SLAMF7: variants seen among roughly 807,000 people sequenced by gnomAD.
SLAMF7 encodes 19A24 protein.
In SLAMF7, 26 loss-of-function variants were observed where a neutral mutation model predicts 34.1. That is an observed-to-expected ratio of 0.76 (90% CI 0.56 to 1.06). SLAMF7 has a LOEUF of 1.06. SLAMF7 is among the 50% of genes least tolerant of loss of function. The pLI is 0.00. For missense variants in SLAMF7, 399 were observed against 402.5 expected, an observed-to-expected ratio of 0.99 and a Z score of 0.07; for synonymous variants, 171 against 156.4, an observed-to-expected ratio of 1.09 and a Z score of -0.70.
intron 1 of SLAMF7, among the ~76,000 whole-genome samples, chr1:160,747,835 C>A (rs1207740419): frequency 2.6e-5 from 4 of 152,196 alleles, no homozygotes; most frequent in Admixed American, 1.3e-4. Context: ...GACTTACTCC[C>A]CACATCTGTT....
chr1:160,744,923 A>G (rs1162434618), intron 1 of SLAMF7, among the ~76,000 whole-genome samples: 2 of 152,224 alleles, frequency 1.3e-5, no homozygotes, highest in African/African-American at 2.4e-5. Context: ...CTAAAGATGA[A>G]CAAAGAGAGC....
intron 1 of SLAMF7, among the ~76,000 whole-genome samples, chr1:160,743,718 T>C (rs1305966144): frequency 6.6e-6 from 1 of 152,212 alleles, no homozygotes; most frequent in Non-Finnish European, 1.5e-5. Context: ...CTCCAGGGTC[T>C]CACTCTGTCA....
intron 1 of SLAMF7, 41 bp downstream of exon 1, chr1:160,739,397 C>A: frequency 1.3e-6 from 2 of 1,564,424 alleles, no homozygotes; most frequent in South Asian, 1.1e-5. Context: ...CTGTCTACCC[C>A]ATCCTGAATA....
chr1:160,749,146 A>G (rs557414446), intron 2 of SLAMF7, among the ~76,000 whole-genome samples: 4 of 152,308 alleles, frequency 2.6e-5, no homozygotes, highest in African/African-American at 9.6e-5. Context: ...TGTAGGAGGT[A>G]GGCACTGCAC....
chr1:160,751,951 A>C, intron 5 of SLAMF7: 1 of 310,562 alleles, frequency 3.2e-6, no homozygotes, highest in South Asian at 5.1e-5. Context: ...AACACAGTAC[A>C]GTTTAAAAAT....
intron 1 of SLAMF7, 104 bp from the exon 2 acceptor site, chr1:160,748,090 T>C (rs561845967): frequency 8.5e-7 from 1 of 1,175,092 alleles, no homozygotes; most frequent in Non-Finnish European, 1.2e-6. Context: ...GTTGTTGTGT[T>C]GGACTGAGTG....
At chr1:160,750,751 C>G in intron 4 of SLAMF7, 1 of 252,996 alleles carries the variant, frequency 4.0e-6, no homozygotes, top group Non-Finnish European at 7.6e-6. Context: ...CTCCCCTGAC[C>G]TGGGAGGTGA....
chr1:160,739,223 AT>A, upstream of SLAMF7: 1 of 1,291,738 alleles, frequency 7.7e-7, no homozygotes, highest in Non-Finnish European at 1.1e-6. Context: ...GCTTCTTTAA[AT>A]ATCAGCTGGG....
chr1:160,748,422 T>C lies in SLAMF7; in HGVS notation c.284T>C (p.Leu95Pro), dbSNP rs1209352977. ...DGGYSLKLSK[L>P]KKNDSGIYYV... is the part of the protein sequence containing the mutation. ...GGCTACTCCCTGAAGCTCAGCAAAC[T>C]GAAGAAGAATGACTCAGGGATCTAC... Residue 95 changes from leucine to proline, a missense_variant, in exon 2 of 7, where the codon CTG becomes CCG. Transcript: ENST00000368043. 1.2e-6 allele frequency: 2 copies of C among 1,613,924 alleles called. No individual in the cohort carries two copies. Among genetic ancestry groups the C allele is most frequent in the Non-Finnish European group, 1.7e-6 (2 of 1,179,970 alleles).
chr1:160,743,311 G>A (rs1188613338), intron 1 of SLAMF7, among the ~76,000 whole-genome samples: 1 of 152,210 alleles, frequency 6.6e-6, no homozygotes, highest in African/African-American at 2.4e-5. Context: ...CAGAGAGGAG[G>A]ATAAAGCACA....
chr1:160,751,848 C>A (rs1172795655), intron 5 of SLAMF7: 1 of 66,018 alleles, frequency 1.5e-5, no homozygotes, highest in Non-Finnish European at 2.9e-5. Context: ...CTCTCTCTCT[C>A]TCTCTCTCTC....
chr1:160,743,751 C>T (rs976529981), intron 1 of SLAMF7, among the ~76,000 whole-genome samples: 16 of 152,188 alleles, frequency 1.1e-4, no homozygotes, highest in African/African-American at 2.7e-4. Flanking sequence ...TGCAGTGGCA[C>T]GATCACGGCT....
At chr1:160,745,389 C>T (rs867137641) in intron 1 of SLAMF7, among the ~76,000 whole-genome samples, 4 of 152,262 alleles carry the variant, frequency 2.6e-5, no homozygotes, top group Middle Eastern at 3.4e-3. Context: ...CTGGTACAAA[C>T]GCCAGGGGGC....
Position 160,748,293 on chromosome 1 carries a change from T to C in SLAMF7, c.155T>C (p.Val52Ala). 6.2e-7 allele frequency: 1 copy of C among 1,614,108 alleles called. No homozygotes were observed. Among genetic ancestry groups the C allele is most frequent in the Non-Finnish European group, 8.5e-7 (1 of 1,179,980 alleles). Residue 52 changes from valine (V) to alanine (A), a missense_variant, in exon 2 of 7, where the codon GTC becomes GCC. Val to Ala is a moderately conservative substitution (Grantham distance 64, BLOSUM62 0). Transcript: ENST00000368043. Reference protein sequence around the residue: ...KSKVKQVDSIVWTFNTTPLVT... With the variant: ...KSKVKQVDSIAWTFNTTPLVT... ...AAAGTAAAGCAAGTTGACTCTATTGTCTGGACCTTCAACACAACCCCTCTT... is the reference window on the plus strand; with the variant it reads ...AAAGTAAAGCAAGTTGACTCTATTGCCTGGACCTTCAACACAACCCCTCTT...
intron 1 of SLAMF7, 121 bp from the exon 2 acceptor site, chr1:160,748,073 C>G: frequency 1.1e-6 from 1 of 950,976 alleles, no homozygotes; most frequent in Non-Finnish European, 1.6e-6. Context: ...AAAGGCTTTT[C>G]CAGGAGGTTG....
rs780582601 is a variant in SLAMF7, at chr1:160,753,109, G to GA, written c.944dup (p.Asn315LysfsTer18). On this transcript the variant is annotated frameshift_variant, in exon 7 of 7. Transcript: ENST00000368043. LOFTEE classifies it low-confidence loss of function (END_TRUNC). ...CTTTCTTTTTGTCTGTCTTCAGATG[G>GA]AAAATCCCCACTCACTGCTCACGAT... The GA allele has an allele frequency of 6.2e-7, 1 of 1,613,488 alleles. No individual in the cohort carries two copies. The highest frequency in any genetic ancestry group is 1.1e-5 in the South Asian group (1 of 91,068).
At chr1:160,751,634 G>C (rs887243252) in intron 5 of SLAMF7, 186 bp downstream of exon 5, 3 of 548,378 alleles carry the variant, frequency 5.5e-6, no homozygotes, top group South Asian at 2.2e-5. Flanking sequence ...GAAGCTGGTG[G>C]TCTCTGGAGC....
Position 160,753,526 on chromosome 1 carries a change from G to C in SLAMF7, c.*349G>C. On this transcript the variant is annotated 3_prime_UTR_variant, in exon 7 of 7. Coordinates refer to ENST00000368043, the MANE Select transcript of SLAMF7 (RefSeq NM_021181.5). ...GCCTGTTGTATTAATGATGGCTCCA[G>C]GTCAGTGTCTGGAGTTTCATTCCAT... The C allele has an allele frequency of 4.6e-6, 1 of 218,600 alleles. No individual in the cohort carries two copies. Among genetic ancestry groups the C allele is most frequent in the African/African-American group, 2.3e-5 (1 of 43,240 alleles). The allele number at this position is 218,600 out of a possible 1,614,324, so 13.5% of individuals were successfully genotyped here.
At chr1:160,751,858 CT>C (rs1664639111) in intron 5 of SLAMF7, 1 of 36,468 alleles carries the variant, frequency 2.7e-5, no homozygotes, top group Non-Finnish European at 4.9e-5. Flanking sequence ...CTCTCTCTCT[CT>C]CTCTATATAT....
Sources: allele counts gnomAD v4.1 joint callset (sites outside exome capture counted in the v4.1 genomes callset), GRCh38; gene constraint gnomAD v4.1.1; transcripts MANE v1.5; gene names NCBI Gene and HGNC (gene_info 2026-07-23, HGNC 2026-07-21).